The following PLA2G4E variants were observed in gnomAD, a reference collection of about 807,000 sequenced individuals.
The protein encoded by PLA2G4E is cytosolic phospholipase A2 epsilon.
PLA2G4E carries 84 observed loss-of-function variants against 109.1 expected under a neutral mutation model. The ratio of observed to expected loss-of-function variants is 0.77; its 90% CI spans 0.65 to 0.92. The LOEUF (loss-of-function observed/expected upper bound fraction) is 0.92. PLA2G4E is among the 40% of genes least tolerant of loss of function. PLA2G4E has a pLI of 0.00. For missense variants in PLA2G4E, 1,057 were observed against 1,076.6 expected (o/e 0.98, Z 0.25); for synonymous variants, 469 against 436.1 (o/e 1.08, Z -0.94).
intron 3 of PLA2G4E, among the ~76,000 whole-genome samples, 177 bp downstream of exon 3, chr15:42,007,552 C>T (rs1595566882): frequency 6.6e-6 from 1 of 152,080 alleles, no homozygotes. Flanking sequence ...GAGGGGCAAA[C>T]ATGAGACAGG....
rs550485248 is a variant in PLA2G4E, at chr15:42,008,468, A to T, written c.257-603T>A. On this transcript the variant is annotated intron_variant, in intron 2 of 19. Transcript: ENST00000399518. ...AGCCAGGCTCTTCTTACCTATCCTG[A>T]TCTGCAGCATCAGGTTATGGCCCAA... 4.6e-5 allele frequency among the ~76,000 whole-genome samples: 7 copies of T among 152,274 alleles called. No individual in the cohort carries two copies. The East Asian group carries it at 1.4e-3, about 29-fold the overall frequency.
intron 17 of PLA2G4E, 122 bp downstream of exon 17, chr15:41,987,050 G>A (rs982152047): frequency 1.0e-6 from 1 of 990,544 alleles, no homozygotes; most frequent in African/African-American, 1.6e-5. Flanking sequence ...GGGGAGAGAG[G>A]TGCCTGGCCC....
intron 7 of PLA2G4E, among the ~76,000 whole-genome samples, 189 bp downstream of exon 7, chr15:42,000,968 T>A (rs1415698007): frequency 6.6e-6 from 1 of 152,092 alleles, no homozygotes; most frequent in Non-Finnish European, 1.5e-5. Context: ...GAACACGCCC[T>A]TTACAGAGCA....
At chr15:42,048,166 T>C (rs2141081272) in intron 1 of PLA2G4E, among the ~76,000 whole-genome samples, 1 of 152,360 alleles carries the variant, frequency 6.6e-6, no homozygotes, top group South Asian at 2.1e-4. Context: ...TACAATTGCC[T>C]ACAGTGTTCA....
chr15:42,007,356 C>T (rs575745755), intron 3 of PLA2G4E, among the ~76,000 whole-genome samples: 3 of 152,200 alleles, frequency 2.0e-5, no homozygotes, highest in African/African-American at 7.2e-5. Flanking sequence ...AGGGAGAGAA[C>T]CCTCTGGCTG....
intron 1 of PLA2G4E, among the ~76,000 whole-genome samples, chr15:42,040,368 G>GA (rs113641477): frequency 0.036 from 5,483 of 152,064 alleles, 211 homozygotes; most frequent in African/African-American, 0.089. Flanking sequence ...TAAGTTTTCT[G>GA]AAAAAAATAA....
At chr15:42,002,592 TC>T (rs1281915966) in intron 6 of PLA2G4E, 61 bp downstream of exon 6, 32 of 1,493,428 alleles carry the variant, frequency 2.1e-5, no homozygotes, top group Non-Finnish European at 2.7e-5. Context: ...TTGGTCCTGT[TC>T]CCCTGAGAGC....
intron 1 of PLA2G4E, among the ~76,000 whole-genome samples, chr15:42,021,857 T>A (rs192792126): frequency 7.2e-5 from 11 of 152,214 alleles, no homozygotes; most frequent in African/African-American, 2.6e-4. Flanking sequence ...TAGATAGAAG[T>A]GCTTTTTTGA....
intron 18 of PLA2G4E, among the ~76,000 whole-genome samples, chr15:41,985,096 C>T (rs1163578027): frequency 5.9e-5 from 9 of 152,196 alleles, no homozygotes; most frequent in Admixed American, 5.9e-4. Context: ...GCCCCTCGTT[C>T]CTCTGCTCAC....
At chr15:42,043,734 G>T (rs1294410598) in intron 1 of PLA2G4E, among the ~76,000 whole-genome samples, 2 of 152,052 alleles carry the variant, frequency 1.3e-5, no homozygotes, top group Non-Finnish European at 2.9e-5. Flanking sequence ...CACTTACTGG[G>T]GCAGCAGTCA....
At chr15:42,013,811 T>G (rs191100899) in intron 1 of PLA2G4E, 54 bp from the exon 2 acceptor site, 458 of 1,426,292 alleles carry the variant, frequency 3.2e-4, no homozygotes, top group Non-Finnish European at 3.7e-4. Flanking sequence ...CCAAGGCCAT[T>G]GCCCCGGGGG....
chr15:41,997,546 C>T (rs1053433639), intron 10 of PLA2G4E: 6 of 228,310 alleles, frequency 2.6e-5, no homozygotes, highest in Admixed American at 1.1e-4. Flanking sequence ...GTGTTAGGGA[C>T]GCTTTGAGTC....
rs544019911 is a variant in PLA2G4E at position 41,989,362 on chromosome 15, G to A, written c.1723+53C>T. 1.1e-4 allele frequency: 177 copies of A among 1,608,526 alleles called. No individual in the cohort carries two copies. The Admixed American group carries it at 2.9e-3, about 26-fold the overall frequency. ...CATAATCAGGGGCCAACCCAGGGTGGCCCAGCACTGGGCAGCAGCCCCCTG... is the reference window on the plus strand; with the variant it reads ...CATAATCAGGGGCCAACCCAGGGTGACCCAGCACTGGGCAGCAGCCCCCTG... On this transcript the variant is annotated intron_variant, in intron 15 of 19. Coordinates refer to ENST00000399518, the Ensembl canonical transcript of PLA2G4E.
chr15:42,019,771 C>G (rs2068630494), intron 1 of PLA2G4E, among the ~76,000 whole-genome samples: 1 of 152,194 alleles, frequency 6.6e-6, no homozygotes, highest in South Asian at 2.1e-4. Context: ...TGGCTGTTTT[C>G]CTTTTTATCA....
intron 2 of PLA2G4E, among the ~76,000 whole-genome samples, chr15:42,012,939 A>G (rs1268471999): frequency 1.3e-5 from 2 of 152,134 alleles, no homozygotes; most frequent in Non-Finnish European, 2.9e-5. Flanking sequence ...GGATGGGGCC[A>G]GGGGTGGGCA....
chr15:42,050,517 A>T, intron 1 of PLA2G4E: 1 of 1,549,492 alleles, frequency 6.5e-7, no homozygotes, highest in Non-Finnish European at 8.7e-7. Flanking sequence ...GAACACAGAC[A>T]TACCTCAGAG....
At chr15:41,996,998 G>T in intron 11 of PLA2G4E, 126 bp downstream of exon 11, 1 of 1,266,970 alleles carries the variant, frequency 7.9e-7, no homozygotes, top group Non-Finnish European at 1.1e-6. Context: ...CAGGGCGCCT[G>T]TACCTCAGCA....
exon 17 of PLA2G4E, chr15:41,987,338 A>G (rs2068158553): frequency 6.2e-7 from 1 of 1,613,928 alleles, no homozygotes. Flanking sequence ...GGATGTTAGC[A>G]TCACATTTGG....
intron 1 of PLA2G4E, among the ~76,000 whole-genome samples, chr15:42,017,061 C>T (rs760888114): frequency 3.0e-4 from 46 of 152,212 alleles, no homozygotes; most frequent in Non-Finnish European, 2.4e-4. Flanking sequence ...CTGTACCCAC[C>T]GGCCCACTTT....
Sources: allele counts gnomAD v4.1 joint callset (sites outside exome capture counted in the v4.1 genomes callset), GRCh38; gene constraint gnomAD v4.1.1; transcripts MANE v1.5; gene names NCBI Gene and HGNC (gene_info 2026-07-23, HGNC 2026-07-21).